CAPS: variants seen among roughly 807,000 people sequenced by gnomAD.
CAPS encodes calcyphosin.
A neutral mutation model predicts 15.5 loss-of-function variants in CAPS; 16 were observed. That is an observed-to-expected ratio of 1.03 (90% CI 0.70 to 1.57). The LOEUF is 1.57. Among genes scored for constraint, CAPS ranks in the 40% most tolerant of loss-of-function variants. CAPS has a pLI of 0.00. For synonymous variants in CAPS, 121 were observed against 116.0 expected, an observed-to-expected ratio of 1.04 and a Z score of -0.28; for missense variants, 294 against 278.4, an observed-to-expected ratio of 1.06 and a Z score of -0.40.
chr19:5,914,948 G>T lies in CAPS; in HGVS notation c.270G>T (p.Met90Ile). 5 of 1,604,448 alleles carry T rather than the reference G, an allele frequency of 3.1e-6. No homozygotes were observed. Among genetic ancestry groups the T allele is most frequent in the Non-Finnish European group, 4.2e-6 (5 of 1,179,380 alleles). The part of the protein sequence containing the change: ...EEFLRALRPP[M>I]SQAREAVIAA... ...ACCACCTCCTGTCCCAGCCCCCCATGTCCCAGGCCCGGGAGGCTGTCATCG... is the reference window on the plus strand; with the variant it reads ...ACCACCTCCTGTCCCAGCCCCCCATTTCCCAGGCCCGGGAGGCTGTCATCG... The change falls in exon 4 of 5, where the codon ATG (methionine) becomes ATT (isoleucine). Residue 90 changes from methionine to isoleucine, a missense_variant. Met to Ile is a conservative substitution (Grantham distance 10, BLOSUM62 1). Transcript: ENST00000588776.
At position 5,914,485 on chromosome 19, in the gene CAPS, G is replaced by T. The variant is rs917599129; in HGVS notation, c.79G>T (p.Ala27Ser). ...CGGGGCCTCGGGCATCCAGGGCCTG[G>T]CCAGGTGAGCTGTCCCCTCTCACCT... The part of the protein sequence containing the change: ...SRGASGIQGL[A>S]RFFRQLDRDG... Residue 27 changes from alanine (A) to serine (S), a missense_variant, in exon 2 of 5, where the codon GCC becomes TCC. Ala to Ser is a moderately conservative substitution (Grantham distance 99). Transcript: ENST00000588776. 4.9e-5 allele frequency: 79 copies of T among 1,610,718 alleles called. No individual in the cohort carries two copies. The highest frequency in any genetic ancestry group is 6.7e-5 in the Non-Finnish European group (79 of 1,178,252).
rs2057719995 is a variant in CAPS at position 5,915,002 on chromosome 19, T to A, written c.324T>A (p.Ser108Arg). 2 of 1,611,588 alleles carry A rather than the reference T, an allele frequency of 1.2e-6. No individual in the cohort carries two copies. Among genetic ancestry groups the A allele is most frequent in the Non-Finnish European group, 1.7e-6 (2 of 1,179,914 alleles). The change falls in exon 4 of 5, where the codon AGT becomes AGA. Residue 108 changes from serine (S) to arginine (R), a missense_variant. Coordinates refer to ENST00000588776, the MANE Select transcript of CAPS (RefSeq NM_004058.5). ...IAAAFAKLDR[S>R]GDGVVTVDDL... The stretch of plus-strand genomic sequence containing the variant: ...CTGCATTTGCCAAGCTGGACCGCAG[T>A]GGGGACGGCGTCGTGACGGTGGACG...
intron 1 of CAPS, 28 bp from the exon 2 acceptor site, chr19:5,914,357 T>A: frequency 6.2e-7 from 1 of 1,611,870 alleles, no homozygotes; most frequent in South Asian, 1.1e-5. Flanking sequence ...CTTGCGGGAG[T>A]CCCCACCTTG....
Position 5,914,412 on chromosome 19 carries a change from C to A in CAPS, c.6C>A (p.Asp2Glu), listed in dbSNP as rs536424710. The A allele has an allele frequency of 1.2e-6, 2 of 1,613,158 alleles. No homozygotes were observed. Among genetic ancestry groups the A allele is most frequent in the South Asian group, 2.2e-5 (2 of 91,064 alleles). ...GCCCAGAGCCCAGACCAAGCATGGA[C>A]GCCGTGGATGCCACCATGGAGAAAC... MDAVDATMEKLR... is the reference protein window; with the variant it reads MEAVDATMEKLR... Residue 2 changes from aspartate (D) to glutamate (E), a missense_variant, in exon 2 of 5, where the codon GAC becomes GAA. By Grantham distance (45) the Asp-to-Glu change is conservative. Transcript: ENST00000588776.
Position 5,915,496 on chromosome 19 carries a change from G to A in CAPS, c.*174G>A, listed in dbSNP as rs930107644. ...CCAGGTCCCTGCCGGTCCACCAGGC[G>A]GAGGTGGGACAAAGGTCCTAACAGG... On this transcript the variant is annotated 3_prime_UTR_variant, in exon 5 of 5. Transcript: ENST00000588776. 2.0e-5 allele frequency: 12 copies of A among 597,706 alleles called. No individual in the cohort carries two copies. The highest frequency in any genetic ancestry group is 6.0e-5 in the Admixed American group (2 of 33,516). 37.0% of individuals were successfully genotyped at this position (597,706 alleles called of 1,614,324 possible).
chr19:5,914,635 ACTCGGGCTGGTG>A lies in CAPS; in HGVS notation c.159_170del (p.Gly54_Leu57del). On this transcript the variant is annotated inframe_deletion, in exon 3 of 5. Coordinates refer to ENST00000588776, the MANE Select transcript of CAPS (RefSeq NM_004058.5). Reference sequence around the variant, plus strand: ...ATGAGTTCCGGCAGGGTCTGGCCAAACTCGGGCTGGTGCTGGACCAGGCGGAGGCAGAGGGTG... The same window carrying A: ...ATGAGTTCCGGCAGGGTCTGGCCAAACTGGACCAGGCGGAGGCAGAGGGTG... 4 of 1,613,880 alleles carry A rather than the reference ACTCGGGCTGGTG, an allele frequency of 2.5e-6. No homozygotes were observed. Among genetic ancestry groups the A allele is most frequent in the Non-Finnish European group, 3.4e-6 (4 of 1,179,928 alleles).
intron 3 of CAPS, 73 bp downstream of exon 3, chr19:5,914,813 G>A (rs749130772): frequency 3.1e-5 from 47 of 1,534,978 alleles, no homozygotes; most frequent in Admixed American, 3.7e-5. Context: ...ATGCGGAGAC[G>A]GGGACTCCTC....
At position 5,915,092 on chromosome 19, in the gene CAPS, C is replaced by A. The variant is rs144843740; in HGVS notation, c.414C>A (p.Asp138Glu). 3.1e-6 allele frequency: 5 copies of A among 1,613,226 alleles called. No individual in the cohort carries two copies. The highest frequency in any genetic ancestry group is 2.7e-5 in the African/African-American group (2 of 75,044). The change falls in exon 4 of 5, where the codon GAC (aspartate) becomes GAA (glutamate). Residue 138 changes from aspartate to glutamate, a missense_variant. Physicochemically the swap from Asp to Glu is conservative, Grantham distance 45. Coordinates refer to ENST00000588776, the MANE Select transcript of CAPS (RefSeq NM_004058.5). Reference protein sequence around the residue: ...PKVRSGEWTEDEVLRRFLDNF... With the variant: ...PKVRSGEWTEEEVLRRFLDNF... ...TGCGCAGTGGGGAGTGGACCGAGGA[C>A]GAGGTGCTGCGCCGCTTCCTGGACA...
At chr19:5,915,200 C>G (rs374114450) in intron 4 of CAPS, 21 bp from the exon 5 acceptor site, 2 of 1,610,566 alleles carry the variant, frequency 1.2e-6, no homozygotes, top group Non-Finnish European at 8.5e-7. Flanking sequence ...GCCGTGCCCC[C>G]TCACGGCCCT....
In CAPS at chr19:5,914,451, C is replaced by A; in HGVS notation, c.45C>A (p.Cys15Ter). 1 of 1,612,914 alleles carries A rather than the reference C, an allele frequency of 6.2e-7. No homozygotes were observed. Among genetic ancestry groups the A allele is most frequent in the Non-Finnish European group, 8.5e-7 (1 of 1,179,806 alleles). The change falls in exon 2 of 5, where the codon TGC becomes TGA. Residue 15 changes from cysteine to a stop codon, truncating the protein, a stop_gained. Transcript: ENST00000588776. LOFTEE classifies it high-confidence loss of function. ...CCATGGAGAAACTCCGGGCACAGTG[C>A]CTGTCCCGCGGGGCCTCGGGCATCC... ...DATMEKLRAQ[C>*]LSRGASGIQG...
rs546018209 is a variant in CAPS at position 5,915,663 on chromosome 19, G to A, written c.*341G>A. 203 of 250,998 alleles carry A rather than the reference G, an allele frequency of 8.1e-4. No individual in the cohort carries two copies. Among genetic ancestry groups the A allele is most frequent in the African/African-American group, 4.0e-3 (183 of 45,448 alleles). 15.5% of individuals were successfully genotyped at this position (250,998 alleles called of 1,614,324 possible). A position where few individuals can be genotyped will look rare whatever the true frequency, so the allele number is the denominator to read the frequency against. On this transcript the variant is annotated 3_prime_UTR_variant, in exon 5 of 5. Coordinates refer to ENST00000588776, the MANE Select transcript of CAPS (RefSeq NM_004058.5). ...CTGCTGCTCCCTGCCCCTCCCTTGCGGGTCCCCCAGGAAGCCAGGTGACCC... is the reference window on the plus strand; with the variant it reads ...CTGCTGCTCCCTGCCCCTCCCTTGCAGGTCCCCCAGGAAGCCAGGTGACCC...
In CAPS at chr19:5,915,580, G is replaced by C; in HGVS notation, c.*258G>C. 2.1e-6 allele frequency: 1 copy of C among 467,296 alleles called. No homozygotes were observed. Among genetic ancestry groups the C allele is most frequent in the South Asian group, 3.1e-5 (1 of 32,064 alleles). The allele number at this position is 467,296 out of a possible 1,614,324, so 28.9% of individuals were successfully genotyped here. On this transcript the variant is annotated 3_prime_UTR_variant, in exon 5 of 5. Coordinates refer to ENST00000588776, the MANE Select transcript of CAPS (RefSeq NM_004058.5). ...CTCCCCACCCACGCCATGCTGACCA[G>C]AGATCTTGCAGCCCCTGTGGATGCC... is the stretch of plus-strand genomic sequence containing the variant.
At position 5,914,552 on chromosome 19, in the gene CAPS, C is replaced by G; in HGVS notation, c.84-11C>G. The G allele has an allele frequency of 6.2e-7, 1 of 1,603,198 alleles. No homozygotes were observed. The highest frequency in any genetic ancestry group is 8.5e-7 in the Non-Finnish European group (1 of 1,172,310). On this transcript the variant is annotated splice_polypyrimidine_tract_variant and intron_variant, in intron 2 of 4. Transcript: ENST00000588776. ...TGAGACCACTGTTCCAACCGTGTCC[C>G]CTGCCTCCAGGTTTTTCCGCCAACT...
At position 5,915,400 on chromosome 19, in the gene CAPS, C is replaced by G. The variant is rs1599707150; in HGVS notation, c.*78C>G. ...GAGACCTCCCTTCCCTGGGCCCCTT[C>G]TCTCCTGGGCAGCCACACCACAGAG... On this transcript the variant is annotated 3_prime_UTR_variant, in exon 5 of 5. Transcript: ENST00000588776. 2 of 1,038,176 alleles carry G rather than the reference C, an allele frequency of 1.9e-6. No homozygotes were observed. Among genetic ancestry groups the G allele is most frequent in the East Asian group, 5.2e-5 (2 of 38,608 alleles). 64.3% of individuals were successfully genotyped at this position (1,038,176 alleles called of 1,614,324 possible). A position where few individuals can be genotyped will look rare whatever the true frequency, so the allele number is the denominator to read the frequency against.
chr19:5,914,454 G>A lies in CAPS; in HGVS notation c.48G>A (p.Leu16=). ...TGGAGAAACTCCGGGCACAGTGCCTGTCCCGCGGGGCCTCGGGCATCCAGG... is the reference window on the plus strand; with the variant it reads ...TGGAGAAACTCCGGGCACAGTGCCTATCCCGCGGGGCCTCGGGCATCCAGG... ...ATMEKLRAQC[L]SRGASGIQGL... Residue 16 remains leucine (L), a synonymous_variant, in exon 2 of 5, where the codon CTG becomes CTA. Transcript: ENST00000588776. 6.2e-7 allele frequency: 1 copy of A among 1,612,710 alleles called. No homozygotes were observed. The highest frequency in any genetic ancestry group is 1.3e-5 in the African/African-American group (1 of 75,028).
rs143117009 is a variant in CAPS, at chr19:5,914,459, G to A, written c.53G>A (p.Arg18His). 21,184 of 1,612,424 alleles carry A rather than the reference G, an allele frequency of 0.013. 191 individuals carry two copies. Among genetic ancestry groups the A allele is most frequent in the Non-Finnish European group, 0.016 (18,679 of 1,179,446 alleles). The change falls in exon 2 of 5, where the codon CGC becomes CAC. Residue 18 changes from arginine (R) to histidine (H), a missense_variant. By Grantham distance (29) the Arg-to-His change is conservative. Transcript: ENST00000588776. ...AAACTCCGGGCACAGTGCCTGTCCC[G>A]CGGGGCCTCGGGCATCCAGGGCCTG... ...MEKLRAQCLS[R>H]GASGIQGLAR...
rs550402651 is a variant in CAPS, at chr19:5,915,324, C to T, written c.*2C>T. The T allele has an allele frequency of 6.2e-7, 1 of 1,602,400 alleles. No individual in the cohort carries two copies. Among genetic ancestry groups the T allele is most frequent in the Middle Eastern group, 2.0e-4 (1 of 5,062 alleles). ...ATGACCAGTGCCTGGCAGCTGTGAG[C>T]AGCTCCGGCTCAGCCCTGCTGCCCT... On this transcript the variant is annotated 3_prime_UTR_variant, in exon 5 of 5. Transcript: ENST00000588776.
At position 5,914,346 on chromosome 19, in the gene CAPS, GCT is replaced by G. The variant is rs752523361; in HGVS notation, c.-23+38_-22-37del. The G allele has an allele frequency of 4.3e-6, 7 of 1,612,804 alleles. No homozygotes were observed. In the African/African-American group the frequency reaches 8.0e-5, roughly 18 times the overall value. On this transcript the variant is annotated intron_variant, in intron 1 of 4. Coordinates refer to ENST00000588776, the MANE Select transcript of CAPS (RefSeq NM_004058.5). ...AACAAGGGGCAGTCGGCCAGGGTGG[GCT>G]TGCGGGAGTCCCCACCTTGACCTCT...
In CAPS at chr19:5,915,358, A is replaced by C; in HGVS notation, c.*36A>C. ...CTCAGCCCTGCTGCCCTGGCCTGTC[A>C]CTCCCCACCCCTGCCGGAGACCTCC... is the stretch of plus-strand genomic sequence containing the variant. On this transcript the variant is annotated 3_prime_UTR_variant, in exon 5 of 5. Coordinates refer to ENST00000588776, the MANE Select transcript of CAPS (RefSeq NM_004058.5). The C allele has an allele frequency of 6.8e-7, 1 of 1,474,970 alleles. No individual in the cohort carries two copies. Among genetic ancestry groups the C allele is most frequent in the South Asian group, 1.2e-5 (1 of 83,770 alleles). The allele number at this position is 1,474,970 out of a possible 1,614,324, so 91.4% of individuals were successfully genotyped here. A position where few individuals can be genotyped will look rare whatever the true frequency, so the allele number is the denominator to read the frequency against.
Sources: gnomAD v4.1 joint callset for allele counts on GRCh38, gnomAD v4.1.1 for gene constraint, MANE v1.5 for transcripts, NCBI Gene and HGNC (gene_info 2026-07-23, HGNC 2026-07-21) for gene names.